The following GNA14 variants were observed in gnomAD, a reference collection of about 807,000 sequenced individuals.
The protein encoded by GNA14 is G protein subunit alpha 14, also known as guanine nucleotide-binding protein subunit alpha-14.
Under a neutral mutation model 42.0 loss-of-function variants are expected in GNA14, and 50 were observed. The observed-to-expected ratio is 1.19, with a 90% confidence interval of 0.95 to 1.51. The LOEUF (loss-of-function observed/expected upper bound fraction) is 1.51. GNA14 is among the 40% of genes most tolerant of loss of function. GNA14 has a pLI of 0.00. For missense variants in GNA14, 473 were observed against 446.2 expected (o/e 1.06, Z -0.54); for synonymous variants, 173 against 163.1 (o/e 1.06, Z -0.46).
intron 2 of GNA14, chr9:77,456,412 T>G (rs1387785517): frequency 6.6e-6 from 1 of 152,260 alleles, no homozygotes; most frequent in African/African-American, 2.4e-5. Context: ...TGGCAAGTGC[T>G]CTTCTACAAT....
chr9:77,521,936 G>A (rs1223913916), intron 2 of GNA14, among the ~76,000 whole-genome samples: 5 of 152,032 alleles, frequency 3.3e-5, no homozygotes, highest in Non-Finnish European at 5.9e-5. Flanking sequence ...AGATTCAAGC[G>A]ATTCTCCTGC....
chr9:77,560,581 G>T (rs1482913119), intron 1 of GNA14, among the ~76,000 whole-genome samples: 1 of 152,166 alleles, frequency 6.6e-6, no homozygotes, highest in Non-Finnish European at 1.5e-5. Context: ...CTCCCAAAAT[G>T]CTGGGATTAC....
chr9:77,431,429 C>T lies in GNA14; in HGVS notation c.485G>A (p.Arg162His), dbSNP rs745646033. Residue 162 changes from arginine (R) to histidine (H), a missense_variant, in exon 4 of 7, where the codon CGC becomes CAC. Physicochemically the swap from Arg to His is conservative, Grantham distance 29 (BLOSUM62 0). Coordinates refer to ENST00000341700, the MANE Select transcript of GNA14 (RefSeq NM_004297.4). Reference protein sequence around the residue: ...SAKYYLTDIDRIATPSFVPTQ... With the variant: ...SAKYYLTDIDHIATPSFVPTQ... Reference sequence around the variant, plus strand: ...AGGCACGAATGATGGTGTGGCGATGCGGTCAATGTCAGTCAGGTAACTGTA... The same window carrying T: ...AGGCACGAATGATGGTGTGGCGATGTGGTCAATGTCAGTCAGGTAACTGTA... 34 of 1,612,674 alleles carry T rather than the reference C, an allele frequency of 2.1e-5. No homozygotes were observed. In the East Asian group the frequency reaches 4.5e-4, roughly 21 times the overall value.
intron 2 of GNA14, among the ~76,000 whole-genome samples, chr9:77,513,857 G>A (rs2120398): frequency 0.018 from 2,699 of 152,142 alleles, 62 homozygotes; most frequent in African/African-American, 0.062. Context: ...TTGCTGTTTG[G>A]TCTTATCCTC....
At chr9:77,440,778 C>T (rs1269027379) in intron 2 of GNA14, among the ~76,000 whole-genome samples, 1 of 152,054 alleles carries the variant, frequency 6.6e-6, no homozygotes, top group Non-Finnish European at 1.5e-5. Flanking sequence ...TGCAGTGGCG[C>T]AATCTCGGTT....
chr9:77,614,203 AG>A (rs2117952387), intron 1 of GNA14, among the ~76,000 whole-genome samples: 1 of 152,298 alleles, frequency 6.6e-6, no homozygotes, highest in South Asian at 2.1e-4. Flanking sequence ...CTCTAACCAA[AG>A]GCCTCAAAGA....
intron 1 of GNA14, among the ~76,000 whole-genome samples, chr9:77,536,192 T>C (rs1837595438): frequency 6.6e-6 from 1 of 152,192 alleles, no homozygotes. Flanking sequence ...TCATGGCTGC[T>C]GTCTCAACAA....
At chr9:77,431,019 T>C (rs1409643747) in intron 4 of GNA14, among the ~76,000 whole-genome samples, 1 of 53,946 alleles carries the variant, frequency 1.9e-5, no homozygotes, top group Non-Finnish European at 3.1e-5. Context: ...TACAGAAGTA[T>C]ACATTTGTGT....
intron 1 of GNA14, among the ~76,000 whole-genome samples, chr9:77,529,664 T>C (rs917547820): frequency 1.3e-5 from 2 of 152,162 alleles, no homozygotes; most frequent in Non-Finnish European, 2.9e-5. Flanking sequence ...TCCTTTCAGA[T>C]ACACAAATAT....
intron 1 of GNA14, among the ~76,000 whole-genome samples, chr9:77,603,943 CAAAAAAAAAAAACAAAAAAAAAAA>C (rs1823608893): frequency 2.5e-5 from 1 of 40,166 alleles, no homozygotes; most frequent in African/African-American, 8.1e-5. Flanking sequence ...GACTCCATCT[CAAAAAAAAAAAACAAAAAAAAAAA>C]AAAAAAAAAA....
intron 2 of GNA14, among the ~76,000 whole-genome samples, chr9:77,520,598 C>T (rs1837341342): frequency 6.6e-6 from 1 of 152,146 alleles, no homozygotes; most frequent in Admixed American, 6.5e-5. Flanking sequence ...TGGAGTCTTG[C>T]TCTGTTGCCC....
intron 2 of GNA14, among the ~76,000 whole-genome samples, chr9:77,474,127 G>C (rs111959835): frequency 2.0e-5 from 3 of 151,926 alleles, no homozygotes; most frequent in African/African-American, 7.3e-5. Flanking sequence ...CACCAAAAGG[G>C]AAGCAACAAA....
chr9:77,625,351 CCA>C (rs754186272), intron 1 of GNA14, among the ~76,000 whole-genome samples: 86 of 152,038 alleles, frequency 5.7e-4, no homozygotes, highest in Non-Finnish European at 1.1e-3. Context: ...AGAACTTCCC[CCA>C]CCTAGCAAGA....
At chr9:77,490,247 T>G (rs1011192925) in intron 2 of GNA14, among the ~76,000 whole-genome samples, 1 of 152,254 alleles carries the variant, frequency 6.6e-6, no homozygotes, top group African/African-American at 2.4e-5. Flanking sequence ...TGCTGATTGC[T>G]GTGTTTACAA....
At chr9:77,551,446 G>A (rs1476055230) in intron 1 of GNA14, among the ~76,000 whole-genome samples, 1 of 152,044 alleles carries the variant, frequency 6.6e-6, no homozygotes, top group African/African-American at 2.4e-5. Flanking sequence ...TCTTGCAGCA[G>A]GCACAAAACT....
At chr9:77,475,709 C>G (rs531766470) in intron 2 of GNA14, among the ~76,000 whole-genome samples, 7 of 152,294 alleles carry the variant, frequency 4.6e-5, no homozygotes, top group African/African-American at 1.7e-4. Context: ...AAGCAATCAT[C>G]TAGGGCACAA....
At chr9:77,593,141 G>T (rs976680206) in intron 1 of GNA14, among the ~76,000 whole-genome samples, 4 of 152,100 alleles carry the variant, frequency 2.6e-5, no homozygotes, top group Non-Finnish European at 4.4e-5. Context: ...AACAATTCTT[G>T]ATACTCTAAT....
intron 2 of GNA14, among the ~76,000 whole-genome samples, chr9:77,528,639 C>T (rs1430147352): frequency 6.6e-6 from 1 of 152,070 alleles, no homozygotes; most frequent in African/African-American, 2.4e-5. Flanking sequence ...CAAACAAAAC[C>T]CACTGAATTC....
At chr9:77,511,826 C>A (rs1837175544) in intron 2 of GNA14, among the ~76,000 whole-genome samples, 1 of 152,132 alleles carries the variant, frequency 6.6e-6, no homozygotes, top group South Asian at 2.1e-4. Flanking sequence ...GAGAAGCAAT[C>A]AAAATGAACT....
Sources: allele counts gnomAD v4.1 joint callset (sites outside exome capture counted in the v4.1 genomes callset), GRCh38; gene constraint gnomAD v4.1.1; transcripts MANE v1.5; gene names NCBI Gene and HGNC (gene_info 2026-07-23, HGNC 2026-07-21).